COL25A1: variants seen among roughly 807,000 people sequenced by gnomAD.
The protein encoded by COL25A1 is collagen type XXV alpha 1 chain.
Under a neutral mutation model 128.4 loss-of-function variants are expected in COL25A1, and 103 were observed. The observed-to-expected ratio is 0.80, with a 90% CI of 0.68 to 0.94. COL25A1 has a LOEUF of 0.94. COL25A1 is among the 40% of genes least tolerant of loss of function. The pLI is 0.00. For missense variants in COL25A1, 745 were observed against 840.0 expected (o/e 0.89, Z 1.40); for synonymous variants, 279 against 277.2 (o/e 1.01, Z -0.06).
intron 3 of COL25A1, among the ~76,000 whole-genome samples, chr4:109,233,138 T>C (rs1167672216): frequency 2.6e-5 from 4 of 152,192 alleles, no homozygotes. Context: ...GGGGTTGTTT[T>C]TATTTCTTTA....
At chr4:108,895,549 A>C (rs1373167914) in intron 16 of COL25A1, among the ~76,000 whole-genome samples, 1 of 152,190 alleles carries the variant, frequency 6.6e-6, no homozygotes, top group African/African-American at 2.4e-5. Context: ...ACAAGCCACA[A>C]GACTACTGCA....
At chr4:108,854,224 G>A (rs994617099) in intron 24 of COL25A1, among the ~76,000 whole-genome samples, 5 of 151,964 alleles carry the variant, frequency 3.3e-5, no homozygotes, top group Admixed American at 6.6e-5. Flanking sequence ...AACTCAAAAC[G>A]GATTAAAGAT....
At chr4:109,083,524 G>A (rs1764062658) in intron 3 of COL25A1, among the ~76,000 whole-genome samples, 1 of 133,466 alleles carries the variant, frequency 7.5e-6, no homozygotes, top group Non-Finnish European at 1.5e-5. Flanking sequence ...GTGCAGTGGC[G>A]CGATCTCGAC....
At chr4:108,884,810 C>A (rs978001724) in intron 18 of COL25A1, among the ~76,000 whole-genome samples, 2 of 152,118 alleles carry the variant, frequency 1.3e-5, no homozygotes, top group African/African-American at 4.8e-5. Context: ...TCTGAGCAAC[C>A]CTGCTTAGCA....
intron 3 of COL25A1, among the ~76,000 whole-genome samples, chr4:109,272,384 T>G (rs1043332634): frequency 6.6e-6 from 1 of 152,198 alleles, no homozygotes; most frequent in Non-Finnish European, 1.5e-5. Context: ...TATACCAACT[T>G]GTTACTGCCC....
rs114224862 is a variant in COL25A1, at chr4:109,158,642, C to A, written c.368-108463G>T. On this transcript the variant is annotated intron_variant, in intron 3 of 37. Transcript: ENST00000399132. ...AGGGGACAGAGATCATGGACAATTA[C>A]TGGAATTAAACGTGATTCATGGATC... Among the ~76,000 whole-genome samples the A allele has an allele frequency of 1.9e-3, 292 of 152,268 alleles. 2 individuals are homozygous for A. The highest frequency in any genetic ancestry group is 3.1e-3 in the Non-Finnish European group (213 of 68,024).
intron 11 of COL25A1, among the ~76,000 whole-genome samples, chr4:108,929,070 C>A (rs1220042293): frequency 1.3e-5 from 2 of 152,118 alleles, no homozygotes; most frequent in Admixed American, 6.5e-5. Flanking sequence ...CTTTTATATC[C>A]TACTTAATAA....
At chr4:109,001,868 A>G (rs921423884) in intron 6 of COL25A1, among the ~76,000 whole-genome samples, 2 of 131,818 alleles carry the variant, frequency 1.5e-5, no homozygotes, top group African/African-American at 5.3e-5. Flanking sequence ...CACTTTATAG[A>G]CTATTATTGA....
chr4:109,124,578 G>A (rs2126059104), intron 3 of COL25A1, among the ~76,000 whole-genome samples: 1 of 152,042 alleles, frequency 6.6e-6, no homozygotes, highest in East Asian at 1.9e-4. Flanking sequence ...ATTGCTAGTA[G>A]AGAATGGTTA....
At chr4:108,832,979 A>ATAAATAAATAAATAAATACATAAG (rs1733340938) in intron 31 of COL25A1, among the ~76,000 whole-genome samples, 1 of 147,206 alleles carries the variant, frequency 6.8e-6, no homozygotes, top group African/African-American at 2.6e-5. Flanking sequence ...AAAATAATAA[A>ATAAATAAATAAATAAATACATAAG]TAAATAAATA....
At chr4:109,224,341 A>G (rs1392154519) in intron 3 of COL25A1, among the ~76,000 whole-genome samples, 1 of 152,184 alleles carries the variant, frequency 6.6e-6, no homozygotes, top group Non-Finnish European at 1.5e-5. Context: ...AAGGCCTTGG[A>G]GAGAAACCAC....
intron 3 of COL25A1, among the ~76,000 whole-genome samples, chr4:109,118,525 G>T (rs1414783467): frequency 6.6e-6 from 1 of 151,698 alleles, no homozygotes; most frequent in Non-Finnish European, 1.5e-5. Flanking sequence ...TAAAAATAAA[G>T]GTTTTGAGAA....
chr4:108,891,880 A>T (rs1203853469), intron 16 of COL25A1, among the ~76,000 whole-genome samples: 1 of 152,152 alleles, frequency 6.6e-6, no homozygotes, highest in African/African-American at 2.4e-5. Context: ...TAAAGACTAG[A>T]TTTAGTTCTC....
Position 109,302,328 on chromosome 4 carries a change from G to A in COL25A1, c.-216C>T, listed in dbSNP as rs1725638789. Reference sequence around the variant, plus strand: ...CCAGACAGCTCTTCCGACTCCCAGAGGACCGACACCTCTTTCGAGGGCCCC... The same window carrying A: ...CCAGACAGCTCTTCCGACTCCCAGAAGACCGACACCTCTTTCGAGGGCCCC... On this transcript the variant is annotated 5_prime_UTR_variant, in exon 1 of 38. Coordinates refer to ENST00000399132, the MANE Select transcript of COL25A1 (RefSeq NM_198721.4). The A allele has an allele frequency of 5.7e-6, 2 of 349,576 alleles. No homozygotes were observed. The highest frequency in any genetic ancestry group is 7.4e-5 in the South Asian group (1 of 13,586). The allele number at this position is 349,576 out of a possible 1,614,324, so 21.7% of individuals were successfully genotyped here. A position where few individuals can be genotyped will look rare whatever the true frequency, so the allele number is the denominator to read the frequency against.
chr4:108,936,732 A>G (rs1747457683), intron 11 of COL25A1, among the ~76,000 whole-genome samples: 1 of 150,628 alleles, frequency 6.6e-6, no homozygotes, highest in African/African-American at 2.4e-5. Context: ...AATACAATCC[A>G]AGCCCAAAGA....
chr4:109,063,911 C>T (rs1413487345), intron 3 of COL25A1, among the ~76,000 whole-genome samples: 7 of 152,114 alleles, frequency 4.6e-5, no homozygotes, highest in Admixed American at 6.5e-5. Context: ...TGAGGACTAA[C>T]CTGGCAGGAA....
At chr4:109,204,452 T>A (rs529714027) in intron 3 of COL25A1, among the ~76,000 whole-genome samples, 4 of 152,126 alleles carry the variant, frequency 2.6e-5, no homozygotes, top group Admixed American at 6.5e-5. Context: ...ATGGCCTATA[T>A]AATAGGCACA....
chr4:109,028,881 T>C (rs988507016), intron 5 of COL25A1, among the ~76,000 whole-genome samples: 12 of 152,172 alleles, frequency 7.9e-5, no homozygotes, highest in African/African-American at 2.9e-4. Flanking sequence ...ATTCACTGTG[T>C]TGAATGTGGT....
At chr4:109,039,041 C>T (rs1280458131) in intron 5 of COL25A1, among the ~76,000 whole-genome samples, 1 of 152,140 alleles carries the variant, frequency 6.6e-6, no homozygotes, top group Non-Finnish European at 1.5e-5. Flanking sequence ...ATTCCTACAT[C>T]ATCACGCGTC....
Sources: allele counts gnomAD v4.1 joint callset (sites outside exome capture counted in the v4.1 genomes callset), GRCh38; gene constraint gnomAD v4.1.1; transcripts MANE v1.5; gene names NCBI Gene and HGNC (gene_info 2026-07-23, HGNC 2026-07-21).